ZNF704: variants seen among roughly 807,000 people sequenced by gnomAD.
The protein encoded by ZNF704 is glucocorticoid induced gene 1.
ZNF704 carries 10 observed loss-of-function variants against 44.7 expected under a neutral mutation model. The ratio of observed to expected loss-of-function variants is 0.22; its 90% CI spans 0.14 to 0.38. The LOEUF (loss-of-function observed/expected upper bound fraction) is 0.38. Among genes scored for constraint, ZNF704 ranks in the 10% least tolerant of loss-of-function variants. The probability of loss-of-function intolerance (pLI) is 1.00; values close to 1 mark genes in which losing one functional copy is unlikely to be tolerated. For synonymous variants in ZNF704, 211 were observed against 207.6 expected, an observed-to-expected ratio of 1.02 and a Z score of -0.14; for missense variants, 390 against 545.5, an observed-to-expected ratio of 0.71 and a Z score of 2.84.
At chr8:80,802,587 A>G (rs186960127) in intron 2 of ZNF704, among the ~76,000 whole-genome samples, 33,451 of 151,992 alleles carry the variant, frequency 0.22, 5,268 homozygotes, top group African/African-American at 0.45. Context: ...AAAGACAAAA[A>G]ACACAAAATT....
chr8:80,661,031 C>T (rs2131606316), intron 6 of ZNF704, among the ~76,000 whole-genome samples: 1 of 152,222 alleles, frequency 6.6e-6, no homozygotes, highest in South Asian at 2.1e-4. Context: ...GAGAAAATAT[C>T]CACAAACTAT....
chr8:80,675,244 A>G (rs1379728137), intron 4 of ZNF704, among the ~76,000 whole-genome samples: 2 of 152,224 alleles, frequency 1.3e-5, no homozygotes, highest in African/African-American at 2.4e-5. Flanking sequence ...AAGAGTTAAA[A>G]GCAGAGGCCT....
At chr8:80,854,152 G>T (rs1157569286) in intron 1 of ZNF704, among the ~76,000 whole-genome samples, 1 of 152,148 alleles carries the variant, frequency 6.6e-6, no homozygotes, top group African/African-American at 2.4e-5. Flanking sequence ...TGAAATGATG[G>T]TAAACAGCGT....
chr8:80,743,279 C>T (rs533432635), intron 2 of ZNF704, among the ~76,000 whole-genome samples: 2 of 147,438 alleles, frequency 1.4e-5, no homozygotes, highest in Admixed American at 6.7e-5. Flanking sequence ...GACATTAACA[C>T]GTTCTTATCA....
chr8:80,692,198 T>C (rs1818649625), intron 3 of ZNF704, among the ~76,000 whole-genome samples: 1 of 152,156 alleles, frequency 6.6e-6, no homozygotes, highest in Non-Finnish European at 1.5e-5. Context: ...TCCTTATTTA[T>C]TGTATTGGAT....
chr8:80,669,608 T>G (rs770354022), intron 5 of ZNF704, among the ~76,000 whole-genome samples: 3 of 152,260 alleles, frequency 2.0e-5, no homozygotes, highest in African/African-American at 4.8e-5. Flanking sequence ...ATTTTCTAAA[T>G]GTATCCCTTG....
chr8:80,663,673 A>G (rs1563510313), intron 6 of ZNF704, among the ~76,000 whole-genome samples: 1 of 152,198 alleles, frequency 6.6e-6, no homozygotes, highest in Non-Finnish European at 1.5e-5. Context: ...CAGGGCATGA[A>G]GTCCCGGATT....
intron 2 of ZNF704, chr8:80,814,032 C>T (rs1340105498): frequency 1.3e-5 from 2 of 152,080 alleles, no homozygotes; most frequent in Non-Finnish European, 1.5e-5. Context: ...AGCATATGTG[C>T]ATTTAGATTA....
chr8:80,748,880 G>A (rs189835918), intron 2 of ZNF704, among the ~76,000 whole-genome samples: 50 of 152,294 alleles, frequency 3.3e-4, no homozygotes, highest in African/African-American at 1.1e-3. Context: ...TTTTTCTGGG[G>A]AGTAGGAGAA....
intron 1 of ZNF704, among the ~76,000 whole-genome samples, chr8:80,841,146 C>A (rs1030776014): frequency 6.6e-6 from 1 of 152,234 alleles, no homozygotes; most frequent in African/African-American, 2.4e-5. Flanking sequence ...TGGGTAGCAC[C>A]AGGAACCTTT....
At chr8:80,840,926 A>C (rs1449466987) in intron 1 of ZNF704, among the ~76,000 whole-genome samples, 3 of 152,334 alleles carry the variant, frequency 2.0e-5, no homozygotes, top group Non-Finnish European at 4.4e-5. Flanking sequence ...CAGACAGCAG[A>C]CTTCCCTAGC....
chr8:80,679,222 A>G (rs931450799), intron 4 of ZNF704, among the ~76,000 whole-genome samples: 2 of 152,178 alleles, frequency 1.3e-5, no homozygotes, highest in Admixed American at 1.3e-4. Flanking sequence ...TTGTCTCTAC[A>G]TAGGCCAAAG....
chr8:80,644,748 G>C (rs927711719), intron 7 of ZNF704, among the ~76,000 whole-genome samples: 2 of 152,196 alleles, frequency 1.3e-5, no homozygotes, highest in African/African-American at 4.8e-5. Flanking sequence ...TCATCTGGCT[G>C]GGCTATGGTG....
chr8:80,839,737 G>T (rs1186381293), intron 1 of ZNF704, among the ~76,000 whole-genome samples: 1 of 152,186 alleles, frequency 6.6e-6, no homozygotes, highest in Non-Finnish European at 1.5e-5. Context: ...ACTGTAGGGG[G>T]ACCTTAAGAT....
chr8:80,782,634 A>T (rs541795339), intron 2 of ZNF704, among the ~76,000 whole-genome samples: 142 of 152,272 alleles, frequency 9.3e-4, no homozygotes, highest in African/African-American at 3.3e-3. Context: ...GGTATTTAGT[A>T]ATGGGAGTGT....
chr8:80,839,689 T>C (rs1808643300), intron 1 of ZNF704, among the ~76,000 whole-genome samples: 2 of 152,170 alleles, frequency 1.3e-5, no homozygotes, highest in African/African-American at 4.8e-5. Flanking sequence ...AGAAGGGAGA[T>C]GGCTCAAAAG....
chr8:80,856,869 C>T (rs1473015749), intron 1 of ZNF704, among the ~76,000 whole-genome samples: 1 of 152,112 alleles, frequency 6.6e-6, no homozygotes. Context: ...TTGAGATTAG[C>T]TTGTCAATTT....
intron 2 of ZNF704, among the ~76,000 whole-genome samples, chr8:80,766,781 C>T (rs568580671): frequency 6.6e-6 from 1 of 152,082 alleles, no homozygotes; most frequent in Non-Finnish European, 1.5e-5. Context: ...GGCACAATCT[C>T]GGCTCATTGC....
At chr8:80,709,677 T>A (rs538907159) in intron 2 of ZNF704, among the ~76,000 whole-genome samples, 2 of 152,012 alleles carry the variant, frequency 1.3e-5, no homozygotes, top group Non-Finnish European at 2.9e-5. Context: ...GGAGTAGTTC[T>A]AAGAAAGTGT....
Sources: gnomAD v4.1 joint callset for allele counts (sites outside exome capture counted in the v4.1 genomes callset) on GRCh38, gnomAD v4.1.1 for gene constraint, MANE v1.5 for transcripts, NCBI Gene and HGNC (gene_info 2026-07-23, HGNC 2026-07-21) for gene names.